Variants in KRT38 observed in about 807,000 individuals in gnomAD.
KRT38 encodes the protein keratin 38, also known as keratin, type I cuticular Ha8.
A neutral mutation model predicts 43.1 loss-of-function variants in KRT38; 45 were observed. That is an observed-to-expected ratio of 1.04 (90% CI 0.82 to 1.34). KRT38 has a LOEUF of 1.34. KRT38 is among the 40% of genes most tolerant of loss of function. KRT38 has a pLI of 0.00. For synonymous variants in KRT38, 258 were observed against 244.0 expected (o/e 1.06, Z -0.53); for missense variants, 627 against 586.2 (o/e 1.07, Z -0.72).
chr17:41,440,691 A>T lies in KRT38; in HGVS notation c.231T>A (p.Cys77Ter). Reference sequence around the variant, plus strand: ...GAATGTGGCAGGTCCCTGGCAAGGGACAAGCAGTGTGGCAGGTAGGCGGCA... The same window carrying T: ...GAATGTGGCAGGTCCCTGGCAAGGGTCAAGCAGTGTGGCAGGTAGGCGGCA... ...LCLPPTCHTACPLPGTCHIPG... is the reference protein window; with the variant it reads ...LCLPPTCHTA Residue 77 changes from cysteine to a stop codon, truncating the protein, a stop_gained, in exon 1 of 7, where the codon TGT (cysteine) becomes TGA (stop). Coordinates refer to ENST00000246646, the MANE Select transcript of KRT38 (RefSeq NM_006771.4). LOFTEE classifies it high-confidence loss of function. 2 of 1,614,116 alleles carry T rather than the reference A, an allele frequency of 1.2e-6. No individual in the cohort carries two copies. Among genetic ancestry groups the T allele is most frequent in the Non-Finnish European group, 1.7e-6 (2 of 1,180,012 alleles).
chr17:41,438,892 T>C, intron 3 of KRT38, 34 bp from the exon 4 acceptor site: 3 of 1,610,018 alleles, frequency 1.9e-6, no homozygotes, highest in Non-Finnish European at 1.7e-6. Flanking sequence ...ACAGCCTGCA[T>C]GAGGAAAGGG....
chr17:41,438,216 A>T lies in KRT38; in HGVS notation c.1118T>A (p.Leu373Gln). The change falls in exon 6 of 7, where the codon CTG becomes CAG. Residue 373 changes from leucine (L) to glutamine (Q), a missense_variant. By Grantham distance (113) the Leu-to-Gln change is moderately radical. Transcript: ENST00000246646. ...QSLISNVEEQLSEIRADLERQ... is the reference protein window; with the variant it reads ...QSLISNVEEQQSEIRADLERQ... ...CTCCAGGTCGGCCCGGATCTCAGAC[A>T]GCTGCTCCTCCACGTTGCTGATGAG... 1 of 1,614,152 alleles carries T rather than the reference A, an allele frequency of 6.2e-7. No individual in the cohort carries two copies. The highest frequency in any genetic ancestry group is 8.5e-7 in the Non-Finnish European group (1 of 1,180,020).
In KRT38 at chr17:41,440,460, G is replaced by A; in HGVS notation, c.462C>T (p.Tyr154=). 3 of 1,614,194 alleles carry A rather than the reference G, an allele frequency of 1.9e-6. No homozygotes were observed. Among genetic ancestry groups the A allele is most frequent in the Non-Finnish European group, 2.5e-6 (3 of 1,179,998 alleles). The part of the protein sequence containing the change: ...ESTVCPDYQS[Y]FHTIEELQQK... ...GTTGGAGCTCCTCGATGGTGTGGAA[G>A]TAAGACTGGTAGTCGGGGCACACGG... The change falls in exon 1 of 7, where the codon TAC becomes TAT. Residue 154 remains tyrosine (Y), a synonymous_variant. Transcript: ENST00000246646.
At chr17:41,439,686 A>G (rs4796787) in intron 2 of KRT38, among the ~76,000 whole-genome samples, 151,354 of 152,348 alleles carry the variant, frequency 0.99, 75,189 homozygotes, top group East Asian at 1. Context: ...GTCAGTTACC[A>G]AAGATAAGCA....
rs1361087864 is a variant in KRT38 at position 41,440,162 on chromosome 17, T to C, written c.574A>G (p.Lys192Glu). Residue 192 changes from lysine (K) to glutamate (E), a missense_variant and splice_region_variant, in exon 2 of 7, where the codon AAG (lysine) becomes GAG (glutamate). Coordinates refer to ENST00000246646, the MANE Select transcript of KRT38 (RefSeq NM_006771.4). Reference sequence around the variant, plus strand: ...CTGGCCCTCCTCCGCCTGACTTACTTGATCCTAAAGTCATCGGCAGCCAGC... The same window carrying C: ...CTGGCCCTCCTCCGCCTGACTTACTCGATCCTAAAGTCATCGGCAGCCAGC... ...AKLAADDFRI[K>E]LESERSLRQL... The C allele has an allele frequency of 2.5e-6, 4 of 1,613,774 alleles. No homozygotes were observed. The highest frequency in any genetic ancestry group is 3.4e-6 in the Non-Finnish European group (4 of 1,179,784).
intron 6 of KRT38, 110 bp from the exon 7 acceptor site, chr17:41,437,651 C>T: frequency 8.7e-7 from 1 of 1,149,806 alleles, no homozygotes; most frequent in Non-Finnish European, 1.2e-6. Context: ...GAACATGGAC[C>T]CAGCTGGACC....
chr17:41,437,691 C>T, intron 6 of KRT38, 150 bp from the exon 7 acceptor site: 2 of 730,250 alleles, frequency 2.7e-6, no homozygotes, highest in East Asian at 3.1e-5. Context: ...GTGAGCACCT[C>T]CAGGGTTAGA....
intron 2 of KRT38, among the ~76,000 whole-genome samples, chr17:41,439,960 A>G (rs1472040907): frequency 1.3e-5 from 2 of 152,214 alleles, no homozygotes; most frequent in Non-Finnish European, 2.9e-5. Context: ...AGGGAAATAA[A>G]TGAAGGAAGA....
chr17:41,438,737 T>C lies in KRT38; in HGVS notation c.854A>G (p.Glu285Gly), dbSNP rs567756984. 2 of 1,613,974 alleles carry C rather than the reference T, an allele frequency of 1.2e-6. No homozygotes were observed. The highest frequency in any genetic ancestry group is 2.7e-5 in the African/African-American group (2 of 74,970). ...CTGTTCCACATCCTGGCGGTTGGTC[T>C]CCAACATGGCCTCATACTGAGCCCG... Reference protein sequence around the residue: ...EMRAQYEAMLETNRQDVEQWF... With the variant: ...EMRAQYEAMLGTNRQDVEQWF... Residue 285 changes from glutamate (E) to glycine (G), a missense_variant, in exon 4 of 7, where the codon GAG becomes GGG. Coordinates refer to ENST00000246646, the MANE Select transcript of KRT38 (RefSeq NM_006771.4).
Position 41,437,190 on chromosome 17 carries a change from T to C in KRT38, c.*222A>G. Reference sequence around the variant, plus strand: ...CCAATCCAGATATTCTGAGCCACCATGGGTGGCTGCAATCCAGCCACTGAG... The same window carrying C: ...CCAATCCAGATATTCTGAGCCACCACGGGTGGCTGCAATCCAGCCACTGAG... On this transcript the variant is annotated 3_prime_UTR_variant, in exon 7 of 7. Transcript: ENST00000246646. The C allele has an allele frequency of 2.4e-6, 1 of 412,004 alleles. No individual in the cohort carries two copies. Among genetic ancestry groups the C allele is most frequent in the East Asian group, 3.7e-5 (1 of 27,344 alleles). 25.5% of individuals were successfully genotyped at this position (412,004 alleles called of 1,614,324 possible). A position where few individuals can be genotyped will look rare whatever the true frequency, so the allele number is the denominator to read the frequency against.
chr17:41,437,541 T>C lies in KRT38; in HGVS notation c.1242A>G (p.Lys414=). The part of the protein sequence containing the change: ...YRNLLESEDC[K]LPCNPCSTSP... The stretch of plus-strand genomic sequence containing the variant: ...ACGTGGAGCACGGATTGCAGGGGAG[T>C]CTGCAGAGAGACAAGGTGAGGGAAG... The change falls in exon 7 of 7, where the codon AAA becomes AAG. Residue 414 remains lysine (K), a splice_region_variant and synonymous_variant. Coordinates refer to ENST00000246646, the MANE Select transcript of KRT38 (RefSeq NM_006771.4). 6.4e-7 allele frequency: 1 copy of C among 1,558,056 alleles called. No individual in the cohort carries two copies. Among genetic ancestry groups the C allele is most frequent in the Admixed American group, 2.1e-5 (1 of 47,726 alleles).
chr17:41,437,516 A>G lies in KRT38; in HGVS notation c.1267T>C (p.Ser423Pro), dbSNP rs897416. ...CAGGGGGCAGTCACGCAGGAGGGAGACGTGGAGCACGGATTGCAGGGGAGT... is the reference window on the plus strand; with the variant it reads ...CAGGGGGCAGTCACGCAGGAGGGAGGCGTGGAGCACGGATTGCAGGGGAGT... Reference protein sequence around the residue: ...CKLPCNPCSTSPSCVTAPCAP... With the variant: ...CKLPCNPCSTPPSCVTAPCAP... Residue 423 changes from serine (S) to proline (P), a missense_variant, in exon 7 of 7, where the codon TCT (serine) becomes CCT (proline). Transcript: ENST00000246646. 1,413,499 of 1,559,442 alleles carry G rather than the reference A, an allele frequency of 0.91. 640,989 individuals are homozygous for G. Among genetic ancestry groups the G allele is most frequent in the East Asian group, 1 (40,411 of 40,434 alleles).
In KRT38 at chr17:41,438,193, C is replaced by T. The variant is rs1307221011; in HGVS notation, c.1141G>A (p.Glu381Lys). 17 of 1,614,206 alleles carry T rather than the reference C, an allele frequency of 1.1e-5. No homozygotes were observed. The highest frequency in any genetic ancestry group is 1.4e-5 in the Non-Finnish European group (17 of 1,180,038). The change falls in exon 6 of 7, where the codon GAG (glutamate) becomes AAG (lysine). Residue 381 changes from glutamate (E) to lysine (K), a missense_variant. By Grantham distance (56) the Glu-to-Lys change is moderately conservative. Coordinates refer to ENST00000246646, the MANE Select transcript of KRT38 (RefSeq NM_006771.4). ...EQLSEIRADL[E>K]RQNQEYQVLL... Reference sequence around the variant, plus strand: ...ACCTGGTACTCCTGGTTTTGCCGCTCCAGGTCGGCCCGGATCTCAGACAGC... The same window carrying T: ...ACCTGGTACTCCTGGTTTTGCCGCTTCAGGTCGGCCCGGATCTCAGACAGC...
chr17:41,440,732 G>T lies in KRT38; in HGVS notation c.190C>A (p.Arg64Ser). 1 of 1,614,082 alleles carries T rather than the reference G, an allele frequency of 6.2e-7. No homozygotes were observed. Residue 64 changes from arginine to serine, a missense_variant, in exon 1 of 7, where the codon CGC (arginine) becomes AGC (serine). Physicochemically the swap from Arg to Ser is moderately radical, Grantham distance 110. Coordinates refer to ENST00000246646, the MANE Select transcript of KRT38 (RefSeq NM_006771.4). ...GTAGGCGGCAGACAGAGGCTGGGGC[G>T]GCCCAGGGGAGTGGACCCCACACGG... ...RVRVGSTPLG[R>S]PSLCLPPTCH...
Position 41,440,928 on chromosome 17 carries a change from G to A in KRT38, c.-7C>T. 1 of 1,522,160 alleles carries A rather than the reference G, an allele frequency of 6.6e-7. No homozygotes were observed. Among genetic ancestry groups the A allele is most frequent in the South Asian group, 1.3e-5 (1 of 75,482 alleles). The allele number at this position is 1,522,160 out of a possible 1,614,324, so 94.3% of individuals were successfully genotyped here. On this transcript the variant is annotated 5_prime_UTR_variant, in exon 1 of 7. Transcript: ENST00000246646. ...TGCTGTAGGAAGAGGTCATGGTGTT[G>A]GGCTGAGGCTGCACAGGAGCTTCAG...
chr17:41,439,105 G>A, intron 3 of KRT38, 98 bp downstream of exon 3: 1 of 1,448,840 alleles, frequency 6.9e-7, no homozygotes, highest in East Asian at 2.4e-5. Flanking sequence ...GCATCCTGAT[G>A]CCAGCTGAGG....
At chr17:41,439,724 G>A (rs1198974929) in intron 2 of KRT38, among the ~76,000 whole-genome samples, 1 of 152,126 alleles carries the variant, frequency 6.6e-6, no homozygotes, top group African/African-American at 2.4e-5. Flanking sequence ...CGTGATCTGC[G>A]GCTCCTTATC....
Position 41,438,872 on chromosome 17 carries a change from G to A in KRT38, c.733-14C>T. ...AATCTTTACTTCCTGCAGAAGGGAG[G>A]AAGGGACAGACAGCCTGCATGAGGA... On this transcript the variant is annotated splice_polypyrimidine_tract_variant and intron_variant, in intron 3 of 6. Coordinates refer to ENST00000246646, the MANE Select transcript of KRT38 (RefSeq NM_006771.4). The A allele has an allele frequency of 1.2e-6, 2 of 1,613,544 alleles. No individual in the cohort carries two copies. The highest frequency in any genetic ancestry group is 1.7e-6 in the Non-Finnish European group (2 of 1,179,600).
Position 41,439,218 on chromosome 17 carries a change from C to A in KRT38, c.717G>T (p.Lys239Asn). ...AGGGCCACACCTGCTCGTGGTTGCT[C>A]TTGAGGGAGAGCTGCTCCTCCTTCA... ...ESLKEEQLSL[K>N]SNHEQEVKIL... The change falls in exon 3 of 7, where the codon AAG (lysine) becomes AAT (asparagine). Residue 239 changes from lysine (K) to asparagine (N), a missense_variant. Transcript: ENST00000246646. 1.9e-6 allele frequency: 3 copies of A among 1,614,080 alleles called. No homozygotes were observed. Among genetic ancestry groups the A allele is most frequent in the Non-Finnish European group, 1.7e-6 (2 of 1,179,982 alleles).
Sources: allele counts gnomAD v4.1 joint callset (sites outside exome capture counted in the v4.1 genomes callset), GRCh38; gene constraint gnomAD v4.1.1; transcripts MANE v1.5; gene names NCBI Gene and HGNC (gene_info 2026-07-23, HGNC 2026-07-21).